ZNF578: variants seen among roughly 807,000 people sequenced by gnomAD.
The protein encoded by ZNF578 is zinc finger protein 578.
Under a neutral mutation model 8.3 loss-of-function variants are expected in ZNF578, and 8 were observed. That is an observed-to-expected ratio of 0.96 (90% CI 0.56 to 1.74). The LOEUF (loss-of-function observed/expected upper bound fraction) is 1.74, where lower values mean the gene tolerates loss of function less well. Ranked by LOEUF, ZNF578 falls within the 40% of genes most tolerant of loss-of-function variation. ZNF578 has a pLI of 0.00. For synonymous variants in ZNF578, 206 were observed against 232.2 expected (o/e 0.89, Z 1.03); for missense variants, 726 against 707.5 (o/e 1.03, Z -0.30).
intron 2 of ZNF578, among the ~76,000 whole-genome samples, chr19:52,489,113 A>C (rs2059356169): frequency 6.6e-6 from 1 of 152,044 alleles, no homozygotes; most frequent in East Asian, 1.9e-4. Context: ...CCCTAAAAAA[A>C]GAAAAAGTAG....
chr19:52,481,720 T>C (rs2059327072), intron 2 of ZNF578, among the ~76,000 whole-genome samples: 1 of 152,104 alleles, frequency 6.6e-6, no homozygotes, highest in Non-Finnish European at 1.5e-5. Context: ...TTTCTGTTAT[T>C]ACATAATACT....
At chr19:52,474,525 A>G (rs1481197345) in intron 2 of ZNF578, 5 of 300,810 alleles carry the variant, frequency 1.7e-5, no homozygotes, top group Non-Finnish European at 2.8e-5. Flanking sequence ...GTGAACTCTG[A>G]GTAAAGACCT....
intron 2 of ZNF578, among the ~76,000 whole-genome samples, chr19:52,490,725 C>T (rs1311984721): frequency 6.6e-6 from 1 of 151,910 alleles, no homozygotes; most frequent in East Asian, 1.9e-4. Context: ...GCAATCTCCG[C>T]CTCCCAGGTT....
chr19:52,469,286 A>C (rs2059284871), intron 2 of ZNF578, among the ~76,000 whole-genome samples: 1 of 148,246 alleles, frequency 6.7e-6, no homozygotes, highest in South Asian at 2.2e-4. Context: ...TCAGCTCCCC[A>C]GGCAGCTGGG....
chr19:52,456,267 G>T (rs1046291500), intron 1 of ZNF578: 7 of 152,180 alleles, frequency 4.6e-5, no homozygotes, highest in African/African-American at 1.7e-4. Flanking sequence ...GACCCAAGGG[G>T]AGACCAGAGC....
rs761778900 is a variant in ZNF578, at chr19:52,511,703, G to C, written c.1322G>C (p.Ser441Thr). Reference protein sequence around the residue: ...DCGKAFIHQSSLARHHRLHTG... With the variant: ...DCGKAFIHQSTLARHHRLHTG... ...GGTAAGGCTTTTATTCATCAGTCAA[G>C]CCTTGCACGTCATCATAGACTTCAT... The change falls in exon 6 of 6, where the codon AGC becomes ACC. Residue 441 changes from serine to threonine, a missense_variant. Coordinates refer to ENST00000421239, the MANE Select transcript of ZNF578 (RefSeq NM_001099694.2). 1.2e-6 allele frequency: 2 copies of C among 1,612,028 alleles called. No homozygotes were observed. Among genetic ancestry groups the C allele is most frequent in the East Asian group, 4.5e-5 (2 of 44,688 alleles).
intron 2 of ZNF578, 43 bp from the exon 3 acceptor site, chr19:52,491,281 A>G: frequency 4.5e-6 from 1 of 221,692 alleles, no homozygotes; most frequent in South Asian, 8.0e-5. Flanking sequence ...ATGATTTACC[A>G]TCTGGACTTA....
chr19:52,481,917 G>C (rs1194641737), intron 2 of ZNF578, among the ~76,000 whole-genome samples: 1 of 151,978 alleles, frequency 6.6e-6, no homozygotes, highest in Non-Finnish European at 1.5e-5. Flanking sequence ...TCTTTTTGTA[G>C]AAATGGGGTT....
At chr19:52,506,136 G>A (rs1456992284) in intron 5 of ZNF578, among the ~76,000 whole-genome samples, 1 of 152,060 alleles carries the variant, frequency 6.6e-6, no homozygotes, top group Non-Finnish European at 1.5e-5. Flanking sequence ...CTGGCCTGAC[G>A]TGATTCACTT....
intron 3 of ZNF578, among the ~76,000 whole-genome samples, chr19:52,495,422 C>T (rs1224521272): frequency 1.4e-5 from 2 of 146,992 alleles, no homozygotes; most frequent in African/African-American, 2.5e-5. Context: ...TGTACTTCAG[C>T]GTGGGCAATA....
At chr19:52,477,345 C>T (rs2059311279) in intron 2 of ZNF578, among the ~76,000 whole-genome samples, 1 of 152,054 alleles carries the variant, frequency 6.6e-6, no homozygotes, top group Non-Finnish European at 1.5e-5. Flanking sequence ...AATATGAATG[C>T]CCTTATTGTT....
rs11318311 is a variant in ZNF578, at chr19:52,513,337, C to CTTTTTT, written c.*1202_*1207dup. Among the ~76,000 whole-genome samples the CTTTTTT allele has an allele frequency of 3.9e-5, 4 of 101,354 alleles. No individual in the cohort carries two copies. The highest frequency in any genetic ancestry group is 1.3e-4 in the African/African-American group (4 of 29,754). The allele number at this position is 101,354 out of a possible 152,430, so 66.5% of individuals were successfully genotyped here. A position where few individuals can be genotyped will look rare whatever the true frequency, so the allele number is the denominator to read the frequency against. On this transcript the variant is annotated 3_prime_UTR_variant, in exon 6 of 6. Coordinates refer to ENST00000421239, the MANE Select transcript of ZNF578 (RefSeq NM_001099694.2). The stretch of plus-strand genomic sequence containing the variant: ...GCGCCTGGCATTGTTTCTTCTTTTC[C>CTTTTTT]TTTTTTTTTTTTTTTTTTTTTTTTG...
intron 2 of ZNF578, among the ~76,000 whole-genome samples, chr19:52,477,370 C>G (rs559824864): frequency 2.0e-5 from 3 of 152,142 alleles, no homozygotes; most frequent in South Asian, 4.1e-4. Flanking sequence ...GGGCCTGGGT[C>G]CAGGCCCCCT....
chr19:52,493,466 C>G (rs1458773601), intron 3 of ZNF578, among the ~76,000 whole-genome samples: 1 of 152,112 alleles, frequency 6.6e-6, no homozygotes, highest in Non-Finnish European at 1.5e-5. Flanking sequence ...CGCTTCTCCG[C>G]GATGCAGGAG....
intron 5 of ZNF578, among the ~76,000 whole-genome samples, chr19:52,509,137 C>T (rs1015754129): frequency 5.3e-5 from 8 of 152,026 alleles, no homozygotes; most frequent in Admixed American, 3.9e-4. Context: ...CTCCTGACCT[C>T]GTGCTCCACT....
intron 1 of ZNF578, chr19:52,456,457 T>C (rs533031170): frequency 1.3e-5 from 2 of 152,410 alleles, no homozygotes; most frequent in Non-Finnish European, 2.9e-5. Context: ...TCATTGAACA[T>C]CAGGGTGCTG....
intron 5 of ZNF578, 26 bp from the exon 6 acceptor site, chr19:52,510,546 A>C: frequency 6.7e-7 from 1 of 1,494,352 alleles, no homozygotes; most frequent in Non-Finnish European, 8.9e-7. Context: ...CTTAATTGCA[A>C]ACGTATTGGT....
rs74925539 is a variant in ZNF578, at chr19:52,478,349, C to T, written c.-121-12975C>T. On this transcript the variant is annotated intron_variant, in intron 2 of 5. Coordinates refer to ENST00000421239, the MANE Select transcript of ZNF578 (RefSeq NM_001099694.2). ...ATAAGCTGCTGTGGGCTATTTGTAT[C>T]GGGCCTTATGGAGATAGGAAAAGCA... is the stretch of plus-strand genomic sequence containing the variant. Among the ~76,000 whole-genome samples the T allele has an allele frequency of 5.2e-3, 794 of 152,228 alleles. 22 individuals carry two copies. The East Asian group carries it at 0.069, about 13-fold the overall frequency.
intron 3 of ZNF578, among the ~76,000 whole-genome samples, chr19:52,494,588 T>A (rs1304152060): frequency 1.3e-5 from 2 of 152,214 alleles, no homozygotes; most frequent in Admixed American, 6.5e-5. Context: ...TCTGTCTATA[T>A]AATCTAATAA....
Sources: allele counts gnomAD v4.1 joint callset (sites outside exome capture counted in the v4.1 genomes callset), GRCh38; gene constraint gnomAD v4.1.1; transcripts MANE v1.5; gene names NCBI Gene and HGNC (gene_info 2026-07-23, HGNC 2026-07-21).